The following NEK11 variants were observed in gnomAD, a reference collection of about 807,000 sequenced individuals.
NEK11 encodes the protein NIMA related kinase 11, also known as serine/threonine-protein kinase Nek11.
NEK11 carries 72 observed loss-of-function variants against 80.7 expected under a neutral mutation model. The observed-to-expected ratio is 0.89, with a 90% CI of 0.74 to 1.08. The LOEUF (loss-of-function observed/expected upper bound fraction) is 1.08, where lower values mean the gene tolerates loss of function less well. Among genes scored for constraint, NEK11 ranks in the 50% least tolerant of loss-of-function variants. NEK11 has a pLI of 0.00. For synonymous variants in NEK11, 251 were observed against 260.7 expected (o/e 0.96, Z 0.36); for missense variants, 764 against 763.6 (o/e 1.00, Z -0.01).
intron 5 of NEK11, among the ~76,000 whole-genome samples, chr3:131,115,958 C>CTTTCTTTCTTTCTTTCTTTCTT (rs2081093359): frequency 7.2e-6 from 1 of 139,448 alleles, no homozygotes; most frequent in South Asian, 2.3e-4. Flanking sequence ...TTCTTTCTTT[C>CTTTCTTTCTTTCTTTCTTTCTT]TTTCTTTCTT....
At position 131,243,452 on chromosome 3, in the gene NEK11, C is replaced by T. The variant is rs200588944; in HGVS notation, c.1577C>T (p.Ala526Val). The change falls in exon 16 of 18, where the codon GCG becomes GTG. Residue 526 changes from alanine (A) to valine (V), a missense_variant. By Grantham distance (64) the Ala-to-Val change is moderately conservative. Coordinates refer to ENST00000383366, the MANE Select transcript of NEK11 (RefSeq NM_024800.5). ...RTNQQDSDIE[A>V]LARCLENVLG... ...TTTTGACAGGACAGTGATATCGAAG[C>T]GTTGGCCAGGTGTTTGGAAAATGTC... 62 of 1,612,534 alleles carry T rather than the reference C, an allele frequency of 3.8e-5. No homozygotes were observed. The highest frequency in any genetic ancestry group is 4.7e-5 in the Non-Finnish European group (55 of 1,179,216).
chr3:131,267,476 G>C (rs937502544), intron 16 of NEK11, among the ~76,000 whole-genome samples: 10 of 152,180 alleles, frequency 6.6e-5, no homozygotes, highest in Non-Finnish European at 1.3e-4. Flanking sequence ...ATGACATTCT[G>C]GGTTGAAAAT....
chr3:131,243,499 G>A lies in NEK11; in HGVS notation c.1621+3G>A, dbSNP rs371846081. 21 of 1,611,294 alleles carry A rather than the reference G, an allele frequency of 1.3e-5. No homozygotes were observed. The African/African-American group carries it at 2.0e-4, about 15-fold the overall frequency. The stretch of plus-strand genomic sequence containing the variant: ...TGTCCTGGGTTGCACTTCTCTAGGT[G>A]AGTAAGTTCCTTTAGGCTTCAAAAT... On this transcript the variant is annotated splice_donor_region_variant and intron_variant, in intron 16 of 17. Coordinates refer to ENST00000383366, the MANE Select transcript of NEK11 (RefSeq NM_024800.5).
chr3:131,253,345 A>G (rs2095744405), intron 16 of NEK11, among the ~76,000 whole-genome samples: 1 of 152,162 alleles, frequency 6.6e-6, no homozygotes, highest in South Asian at 2.1e-4. Flanking sequence ...AAGACCAGAC[A>G]TGAACAGGAT....
At chr3:131,200,436 T>C (rs2094184239) in intron 14 of NEK11, among the ~76,000 whole-genome samples, 1 of 152,234 alleles carries the variant, frequency 6.6e-6, no homozygotes, top group Non-Finnish European at 1.5e-5. Context: ...TGGCATCTTC[T>C]AATAAAGATG....
chr3:131,330,440 A>G, intron 17 of NEK11: 1 of 152,338 alleles, frequency 6.6e-6, no homozygotes, highest in Non-Finnish European at 1.5e-5. Context: ...TAAAGTCATG[A>G]AACTAGATGA....
At chr3:131,168,417 C>T (rs1314777313) in intron 12 of NEK11, among the ~76,000 whole-genome samples, 1 of 148,054 alleles carries the variant, frequency 6.8e-6, no homozygotes, top group Non-Finnish European at 1.5e-5. Context: ...AGTGCAGTGG[C>T]GGGATCTCGG....
chr3:131,067,136 T>C (rs1385700885), intron 3 of NEK11, among the ~76,000 whole-genome samples: 1 of 152,218 alleles, frequency 6.6e-6, no homozygotes, highest in East Asian at 1.9e-4. Flanking sequence ...TTTAGGATAT[T>C]GATTTCATCC....
intron 16 of NEK11, among the ~76,000 whole-genome samples, chr3:131,249,542 A>G (rs1174591289): frequency 6.6e-6 from 1 of 152,108 alleles, no homozygotes; most frequent in Non-Finnish European, 1.5e-5. Context: ...TTTTAGGGAC[A>G]CCAAAGGACA....
chr3:131,203,274 T>C (rs1298132094), intron 14 of NEK11, among the ~76,000 whole-genome samples: 1 of 151,950 alleles, frequency 6.6e-6, no homozygotes, highest in Non-Finnish European at 1.5e-5. Context: ...TTCATGTCCT[T>C]TGTAGGGACA....
At chr3:131,213,417 A>C (rs2094702139) in intron 14 of NEK11, among the ~76,000 whole-genome samples, 1 of 152,138 alleles carries the variant, frequency 6.6e-6, no homozygotes, top group South Asian at 2.1e-4. Flanking sequence ...TTGAAGAGAA[A>C]CTCTCATTTG....
intron 15 of NEK11, among the ~76,000 whole-genome samples, chr3:131,235,780 A>G (rs138676509): frequency 1.5e-4 from 23 of 152,316 alleles, no homozygotes; most frequent in African/African-American, 5.3e-4. Context: ...CAGATTAACT[A>G]ATTTGACCTA....
At chr3:131,345,932 AAAAATATTGCATG>A (rs1282014021) in intron 17 of NEK11, among the ~76,000 whole-genome samples, 2 of 152,188 alleles carry the variant, frequency 1.3e-5, no homozygotes, top group African/African-American at 4.8e-5. Context: ...ACATAGGAAT[AAAAATATTGCATG>A]ACCTCAATTA....
intron 7 of NEK11, among the ~76,000 whole-genome samples, chr3:131,135,456 A>T (rs919016103): frequency 2.0e-5 from 3 of 152,196 alleles, no homozygotes; most frequent in African/African-American, 7.2e-5. Flanking sequence ...ATAACTAATG[A>T]GTTCCTTTAA....
chr3:131,102,283 T>G (rs2078488595), intron 4 of NEK11, among the ~76,000 whole-genome samples: 1 of 152,196 alleles, frequency 6.6e-6, no homozygotes, highest in Admixed American at 6.5e-5. Context: ...GTGGGCTATG[T>G]GCCTATGTGT....
chr3:131,082,218 A>G (rs1361253557), intron 4 of NEK11, among the ~76,000 whole-genome samples: 2 of 152,210 alleles, frequency 1.3e-5, no homozygotes, highest in Non-Finnish European at 2.9e-5. Context: ...TATGTCACCA[A>G]TTCGTGCAAA....
intron 14 of NEK11, among the ~76,000 whole-genome samples, chr3:131,211,972 G>A (rs940222068): frequency 2.6e-5 from 4 of 152,110 alleles, no homozygotes; most frequent in African/African-American, 7.2e-5. Flanking sequence ...CTGTCAATTC[G>A]TCAAAGTCAT....
chr3:131,125,183 A>G (rs764815628), intron 5 of NEK11, among the ~76,000 whole-genome samples: 1 of 152,190 alleles, frequency 6.6e-6, no homozygotes, highest in Non-Finnish European at 1.5e-5. Context: ...TGCTGATTTT[A>G]TAGGCCCGGT....
chr3:131,253,632 A>C (rs1291876539), intron 16 of NEK11, among the ~76,000 whole-genome samples: 2 of 152,156 alleles, frequency 1.3e-5, no homozygotes, highest in African/African-American at 2.4e-5. Context: ...CCCTGTCTTA[A>C]TGATTTCCCA....
Sources: allele counts gnomAD v4.1 joint callset (sites outside exome capture counted in the v4.1 genomes callset), GRCh38; gene constraint gnomAD v4.1.1; transcripts MANE v1.5; gene names NCBI Gene and HGNC (gene_info 2026-07-23, HGNC 2026-07-21).